CPA6: variants seen among roughly 807,000 people sequenced by gnomAD.
CPA6 encodes the protein carboxypeptidase A6, also known as carboxypeptidase B.
CPA6 carries 58 observed loss-of-function variants against 63.3 expected under a neutral mutation model. The observed-to-expected ratio is 0.92, with a 90% CI of 0.74 to 1.14. The LOEUF is 1.14. Among genes scored for constraint, CPA6 ranks in the 50% most tolerant of loss-of-function variants. The probability of loss-of-function intolerance (pLI) is 0.00; values close to 1 mark genes in which losing one functional copy is unlikely to be tolerated. For missense variants in CPA6, 565 were observed against 526.6 expected (o/e 1.07, Z -0.71); for synonymous variants, 185 against 179.0 (o/e 1.03, Z -0.27).
chr8:67,584,843 G>A (rs1813882456), intron 2 of CPA6, among the ~76,000 whole-genome samples: 1 of 152,126 alleles, frequency 6.6e-6, no homozygotes, highest in Non-Finnish European at 1.5e-5. Context: ...GAGGATGGGA[G>A]GAACCATGCC....
At chr8:67,480,635 T>C (rs1811337836) in intron 8 of CPA6, among the ~76,000 whole-genome samples, 1 of 139,592 alleles carries the variant, frequency 7.2e-6, no homozygotes, top group African/African-American at 2.8e-5. Context: ...TGAACATTCA[T>C]GTACAAGTCA....
intron 1 of CPA6, among the ~76,000 whole-genome samples, chr8:67,673,892 T>C (rs1477849453): frequency 1.3e-5 from 2 of 152,166 alleles, no homozygotes; most frequent in South Asian, 4.1e-4. Context: ...TTTAATACAA[T>C]TGTTATATAT....
chr8:67,506,299 T>C (rs1811925240), intron 6 of CPA6, among the ~76,000 whole-genome samples: 1 of 152,162 alleles, frequency 6.6e-6, no homozygotes, highest in Admixed American at 6.6e-5. Flanking sequence ...CCACAGATGC[T>C]AAAGGTCTTC....
intron 8 of CPA6, among the ~76,000 whole-genome samples, chr8:67,448,035 T>C (rs1173072343): frequency 6.6e-6 from 1 of 152,226 alleles, no homozygotes; most frequent in Non-Finnish European, 1.5e-5. Context: ...TCCACCCGCC[T>C]CAGCCTCCCA....
chr8:67,692,365 G>A (rs1343245304), intron 1 of CPA6, among the ~76,000 whole-genome samples: 1 of 149,364 alleles, frequency 6.7e-6, no homozygotes, highest in African/African-American at 2.5e-5. Context: ...CAAGAGATTG[G>A]TAAAACTTGA....
At chr8:67,529,119 G>T (rs1177286585) in intron 2 of CPA6, among the ~76,000 whole-genome samples, 1 of 151,834 alleles carries the variant, frequency 6.6e-6, no homozygotes, top group Non-Finnish European at 1.5e-5. Flanking sequence ...CTACTTAATG[G>T]ATCCCAACTT....
chr8:67,590,857 T>G (rs1231484818), intron 2 of CPA6, among the ~76,000 whole-genome samples: 11 of 151,980 alleles, frequency 7.2e-5, no homozygotes, highest in Admixed American at 7.2e-4. Flanking sequence ...CTGATGGTAG[T>G]TTCTTTTCCT....
At chr8:67,434,336 C>A in intron 8 of CPA6, 96 bp from the exon 9 acceptor site, 1 of 948,226 alleles carries the variant, frequency 1.1e-6, no homozygotes, top group South Asian at 1.5e-5. Context: ...TCTTTTATTT[C>A]TCCAAACATA....
chr8:67,714,492 A>G (rs905582497), intron 1 of CPA6, among the ~76,000 whole-genome samples: 5 of 152,184 alleles, frequency 3.3e-5, no homozygotes, highest in Non-Finnish European at 5.9e-5. Context: ...CCTCAGGCTC[A>G]GGAGGTTTGC....
intron 2 of CPA6, among the ~76,000 whole-genome samples, chr8:67,520,590 C>T (rs911925171): frequency 5.9e-5 from 9 of 152,114 alleles, no homozygotes; most frequent in African/African-American, 1.2e-4. Context: ...AGAAGACTTA[C>T]GGGACAGTAA....
chr8:67,460,145 C>T (rs979100530), intron 8 of CPA6, among the ~76,000 whole-genome samples: 5 of 152,162 alleles, frequency 3.3e-5, no homozygotes, highest in Admixed American at 2.6e-4. Flanking sequence ...ATGTAGCTGG[C>T]TTGTCAACCT....
At chr8:67,483,580 A>T (rs1210739216) in intron 8 of CPA6, 188 bp downstream of exon 8, 2 of 598,860 alleles carry the variant, frequency 3.3e-6, no homozygotes, top group Non-Finnish European at 6.0e-6. Context: ...ATTTTTATAT[A>T]TTAAAAAAGA....
intron 2 of CPA6, among the ~76,000 whole-genome samples, chr8:67,563,676 T>C (rs896797844): frequency 2.0e-5 from 3 of 152,180 alleles, no homozygotes; most frequent in African/African-American, 7.2e-5. Flanking sequence ...CAAAAAGATC[T>C]GAGATTGTAT....
chr8:67,442,654 G>C (rs1810319011), intron 8 of CPA6, among the ~76,000 whole-genome samples: 1 of 152,192 alleles, frequency 6.6e-6, no homozygotes, highest in Non-Finnish European at 1.5e-5. Flanking sequence ...CTAGTTCATG[G>C]AACATCTTAT....
intron 1 of CPA6, among the ~76,000 whole-genome samples, chr8:67,665,606 C>T (rs74924768): frequency 0.015 from 2,229 of 152,326 alleles, 40 homozygotes; most frequent in African/African-American, 0.044. Context: ...CTTCTTGCTT[C>T]TTTCTAGACT....
intron 1 of CPA6, among the ~76,000 whole-genome samples, chr8:67,654,666 G>T (rs1815940639): frequency 6.6e-6 from 1 of 151,988 alleles, no homozygotes; most frequent in Non-Finnish European, 1.5e-5. Context: ...CATGGGTTGG[G>T]GCAGAATTTA....
chr8:67,541,416 C>T (rs959788061), intron 2 of CPA6, among the ~76,000 whole-genome samples: 1 of 152,136 alleles, frequency 6.6e-6, no homozygotes, highest in Non-Finnish European at 1.5e-5. Context: ...TAAAGATCGA[C>T]CCCTGATCTA....
intron 1 of CPA6, among the ~76,000 whole-genome samples, chr8:67,682,643 T>G (rs1456402401): frequency 1.3e-5 from 2 of 152,258 alleles, no homozygotes; most frequent in African/African-American, 2.4e-5. Flanking sequence ...TCTGAGTTTT[T>G]TTGCAGAACC....
At chr8:67,576,466 T>C (rs1813628684) in intron 2 of CPA6, among the ~76,000 whole-genome samples, 1 of 152,198 alleles carries the variant, frequency 6.6e-6, no homozygotes. Context: ...CCACTGCTTG[T>C]AGAAGTGCTA....
Sources: allele counts gnomAD v4.1 joint callset (sites outside exome capture counted in the v4.1 genomes callset), GRCh38; gene constraint gnomAD v4.1.1; transcripts MANE v1.5; gene names NCBI Gene and HGNC (gene_info 2026-07-23, HGNC 2026-07-21).